Variants in YES1 observed in about 807,000 individuals in gnomAD.
YES1 encodes YES proto-oncogene 1, Src family tyrosine kinase, also known as tyrosine-protein kinase Yes.
A neutral mutation model predicts 70.4 loss-of-function variants in YES1; 39 were observed. That is an observed-to-expected ratio of 0.55 (90% CI 0.43 to 0.72). The LOEUF (loss-of-function observed/expected upper bound fraction) is 0.72. Ranked by LOEUF, YES1 falls within the 30% of genes least tolerant of loss-of-function variation. The probability of loss-of-function intolerance (pLI) is 0.00; values close to 1 mark genes in which losing one functional copy is unlikely to be tolerated. For synonymous variants in YES1, 198 were observed against 218.6 expected, an observed-to-expected ratio of 0.91 and a Z score of 0.83; for missense variants, 495 against 644.8, an observed-to-expected ratio of 0.77 and a Z score of 2.52.
chr18:748,091 T>A, intron 3 of YES1, 73 bp from the exon 4 acceptor site: 1 of 1,241,966 alleles, frequency 8.1e-7, no homozygotes, highest in Non-Finnish European at 1.2e-6. Flanking sequence ...AGTGCTATCT[T>A]GTATCTGAAG....
intron 1 of YES1, among the ~76,000 whole-genome samples, chr18:792,534 T>C (rs1017014355): frequency 3.8e-5 from 4 of 105,822 alleles, no homozygotes; most frequent in African/African-American, 1.4e-4. Flanking sequence ...TCCATCTCTC[T>C]CTCTCTCTCT....
In YES1 at chr18:732,751, T is replaced by C. The variant is rs186297285; in HGVS notation, c.1423+83A>G. ...GACTATGAGAAGAAATAAAGGCCTT[T>C]TCCCCGCTTACAATTCTGTTCCTAA... On this transcript the variant is annotated intron_variant, in intron 11 of 11. Transcript: ENST00000314574. The C allele has an allele frequency of 2.4e-3, 3,763 of 1,574,806 alleles. 7 individuals carry two copies. The highest frequency in any genetic ancestry group is 3.0e-3 in the Non-Finnish European group (3,435 of 1,148,832).
At chr18:757,416 T>C (rs1374889209) in intron 1 of YES1, among the ~76,000 whole-genome samples, 2 of 146,924 alleles carry the variant, frequency 1.4e-5, no homozygotes, top group African/African-American at 5.1e-5. Flanking sequence ...GGCAGGAGAA[T>C]GGCGTGAACC....
chr18:807,732 T>C (rs1382375268), intron 1 of YES1, among the ~76,000 whole-genome samples: 1 of 152,110 alleles, frequency 6.6e-6, no homozygotes, highest in East Asian at 1.9e-4. Context: ...ACTAGCAAAA[T>C]TCAGGCAGCC....
At chr18:750,172 T>C (rs1272161903) in intron 3 of YES1, among the ~76,000 whole-genome samples, 1 of 152,176 alleles carries the variant, frequency 6.6e-6, no homozygotes, top group African/African-American at 2.4e-5. Flanking sequence ...ATTCAAATAT[T>C]TAGAAACTCA....
intron 1 of YES1, among the ~76,000 whole-genome samples, chr18:803,778 G>A (rs141308273): frequency 2.0e-5 from 3 of 152,290 alleles, no homozygotes; most frequent in East Asian, 3.9e-4. Flanking sequence ...AGCACTTGTA[G>A]GCCAAATATT....
chr18:808,128 G>A (rs569040072), intron 1 of YES1, among the ~76,000 whole-genome samples: 31 of 152,250 alleles, frequency 2.0e-4, no homozygotes, highest in Middle Eastern at 3.4e-3. Flanking sequence ...GATCTTAAAG[G>A]TAAACCCAAC....
intron 3 of YES1, among the ~76,000 whole-genome samples, chr18:748,430 T>C (rs2080305622): frequency 6.6e-6 from 1 of 151,210 alleles, no homozygotes; most frequent in East Asian, 1.9e-4. Context: ...AGATGTACAA[T>C]TCACTAGTTT....
chr18:751,569 C>T (rs1598905727), intron 3 of YES1, 136 bp downstream of exon 3: 1 of 608,886 alleles, frequency 1.6e-6, no homozygotes, highest in East Asian at 2.7e-5. Context: ...TCTATAGAAG[C>T]CAATGCATCG....
chr18:786,455 T>C (rs953899915), intron 1 of YES1, among the ~76,000 whole-genome samples: 2 of 150,354 alleles, frequency 1.3e-5, no homozygotes, highest in African/African-American at 4.9e-5. Context: ...GAAGGCACTT[T>C]GCAACATTCA....
chr18:775,296 T>C (rs544744874), intron 1 of YES1: 1 of 152,270 alleles, frequency 6.6e-6, no homozygotes, highest in South Asian at 2.1e-4. Context: ...TAAAAAAAGT[T>C]ATTGAAATAT....
chr18:780,099 T>C (rs1242154581), intron 1 of YES1, among the ~76,000 whole-genome samples: 1 of 152,020 alleles, frequency 6.6e-6, no homozygotes, highest in African/African-American at 2.4e-5. Context: ...CCAGGCGCTG[T>C]GGCACGCACC....
rs142608017 is a variant in YES1, at chr18:757,804, A to C, written c.-8-969T>G. ...GCCAGTGCACTCCAGCCTGGGTGAC[A>C]GAGTAAGACTCTGTCTCAAAAAAAA... is the stretch of plus-strand genomic sequence containing the variant. On this transcript the variant is annotated intron_variant, in intron 1 of 11. Transcript: ENST00000314574. Among the ~76,000 whole-genome samples, 640 of 152,180 alleles carry C rather than the reference A, an allele frequency of 4.2e-3. 3 individuals are homozygous for C. The highest frequency in any genetic ancestry group is 0.015 in the African/African-American group (610 of 41,510).
intron 1 of YES1, among the ~76,000 whole-genome samples, chr18:770,958 T>C (rs1168369991): frequency 6.7e-6 from 1 of 150,308 alleles, no homozygotes; most frequent in Non-Finnish European, 1.5e-5. Context: ...GCAGTGACAG[T>C]AGGTACCACC....
At chr18:753,580 G>A (rs2080369792) in intron 2 of YES1, among the ~76,000 whole-genome samples, 1 of 152,096 alleles carries the variant, frequency 6.6e-6, no homozygotes, top group African/African-American at 2.4e-5. Flanking sequence ...TCACCTCCTG[G>A]GTTCAAGCTA....
intron 1 of YES1, among the ~76,000 whole-genome samples, chr18:765,247 A>AATATATATAT (rs1568204656): frequency 2.4e-4 from 15 of 62,388 alleles, no homozygotes; most frequent in African/African-American, 8.5e-4. Context: ...AAGAGTTACA[A>AATATATATAT]CTATATATAT....
At chr18:790,634 A>G (rs1476130329) in intron 1 of YES1, among the ~76,000 whole-genome samples, 1 of 152,196 alleles carries the variant, frequency 6.6e-6, no homozygotes, top group Non-Finnish European at 1.5e-5. Context: ...AAAGAAAGTG[A>G]TAACTTTGTA....
At chr18:754,205 C>T (rs2080377623) in intron 2 of YES1, among the ~76,000 whole-genome samples, 1 of 152,160 alleles carries the variant, frequency 6.6e-6, no homozygotes, top group Non-Finnish European at 1.5e-5. Context: ...AACTCGCTAC[C>T]AGAGTCTGTG....
At chr18:777,032 C>A (rs1160316497) in intron 1 of YES1, among the ~76,000 whole-genome samples, 3 of 152,070 alleles carry the variant, frequency 2.0e-5, no homozygotes, top group Non-Finnish European at 2.9e-5. Flanking sequence ...AATCAGGGGG[C>A]AATTATTAAT....
Sources: gnomAD v4.1 joint callset for allele counts (sites outside exome capture counted in the v4.1 genomes callset) on GRCh38, gnomAD v4.1.1 for gene constraint, MANE v1.5 for transcripts, NCBI Gene and HGNC (gene_info 2026-07-23, HGNC 2026-07-21) for gene names.